The following TBCB variants were observed in gnomAD, a reference collection of about 807,000 sequenced individuals.
TBCB encodes the protein tubulin-folding cofactor B.
Under a neutral mutation model 29.2 loss-of-function variants are expected in TBCB, and 18 were observed. That is an observed-to-expected ratio of 0.62 (90% CI 0.43 to 0.91). The LOEUF (loss-of-function observed/expected upper bound fraction) is 0.91. Among genes scored for constraint, TBCB ranks in the 40% least tolerant of loss-of-function variants. The probability of loss-of-function intolerance (pLI) is 0.00; values close to 1 mark genes in which losing one functional copy is unlikely to be tolerated. For synonymous variants in TBCB, 172 were observed against 137.8 expected, an observed-to-expected ratio of 1.25 and a Z score of -1.74; for missense variants, 336 against 337.6, an observed-to-expected ratio of 1.00 and a Z score of 0.04.
Position 36,125,773 on chromosome 19 carries a change from C to G in TBCB, c.726C>G (p.Asp242Glu). 2 of 1,530,582 alleles carry G rather than the reference C, an allele frequency of 1.3e-6. No individual in the cohort carries two copies. Among genetic ancestry groups the G allele is most frequent in the East Asian group, 2.3e-5 (1 of 44,034 alleles). 94.8% of individuals were successfully genotyped at this position (1,530,582 alleles called of 1,614,324 possible). A position where few individuals can be genotyped will look rare whatever the true frequency, so the allele number is the denominator to read the frequency against. ...TCCCGGAGGAGGACTACGGGTTGGA[C>G]GAGATATGACACCTAAGGAATTCCC... ...GDFPEEDYGL[D>E]EI The change falls in exon 6 of 6, where the codon GAC becomes GAG. Residue 242 changes from aspartate to glutamate, a missense_variant. Asp to Glu is a conservative substitution (Grantham distance 45, BLOSUM62 2). Coordinates refer to ENST00000221855, the MANE Select transcript of TBCB (RefSeq NM_001281.3).
intron 4 of TBCB, among the ~76,000 whole-genome samples, chr19:36,124,744 C>T (rs760524762): frequency 3.3e-5 from 5 of 152,112 alleles, no homozygotes; most frequent in Non-Finnish European, 7.4e-5. Flanking sequence ...GGGGCTTCAC[C>T]GTGTTAGCCA....
chr19:36,122,444 C>G (rs1974071212), intron 4 of TBCB, among the ~76,000 whole-genome samples: 1 of 149,886 alleles, frequency 6.7e-6, no homozygotes, highest in African/African-American at 2.5e-5. Flanking sequence ...GACCCAGTCT[C>G]AAAAAAAAGG....
intron 2 of TBCB, among the ~76,000 whole-genome samples, chr19:36,118,095 C>T (rs968411940): frequency 6.6e-6 from 1 of 152,168 alleles, no homozygotes; most frequent in African/African-American, 2.4e-5. Flanking sequence ...GATGAACTGT[C>T]AGTAGCATTT....
In TBCB at chr19:36,121,673, C is replaced by G. The variant is rs1312473710; in HGVS notation, c.502C>G (p.Arg168Gly). Residue 168 changes from arginine (R) to glycine (G), a missense_variant, in exon 4 of 6, where the codon CGG becomes GGG. Transcript: ENST00000221855. The stretch of plus-strand genomic sequence containing the variant: ...CCCCGTGGGCAGCCGCTGTGAGGTG[C>G]GGGCGGCGGGACAATCCCCTCGCCG... ...SIPVGSRCEVRAAGQSPRRGT... is the reference protein window; with the variant it reads ...SIPVGSRCEVGAAGQSPRRGT... 2 of 1,560,376 alleles carry G rather than the reference C, an allele frequency of 1.3e-6. No homozygotes were observed. The highest frequency in any genetic ancestry group is 1.2e-5 in the South Asian group (1 of 84,152).
intron 3 of TBCB, 87 bp from the exon 4 acceptor site, chr19:36,121,440 C>T: frequency 1.4e-6 from 2 of 1,430,116 alleles, no homozygotes; most frequent in East Asian, 2.5e-5. Flanking sequence ...GAGAGTTCCT[C>T]CGTGAACGTG....
chr19:36,118,543 G>A (rs1336309196), intron 2 of TBCB: 1 of 152,310 alleles, frequency 6.6e-6, no homozygotes, highest in Middle Eastern at 3.4e-3. Context: ...AGCTGGGCGT[G>A]GTGGCAGATG....
At chr19:36,117,230 G>A (rs952924077) in intron 2 of TBCB, among the ~76,000 whole-genome samples, 4 of 152,114 alleles carry the variant, frequency 2.6e-5, no homozygotes, top group Non-Finnish European at 4.4e-5. Flanking sequence ...TTTACTCTCT[G>A]TCTCCCTGGA....
intron 2 of TBCB, 138 bp from the exon 3 acceptor site, chr19:36,120,572 G>T: frequency 1.5e-6 from 1 of 678,264 alleles, no homozygotes; most frequent in East Asian, 2.7e-5. Context: ...GCTGGGCTCA[G>T]GAGAGAAGAG....
rs1334695130 is a variant in TBCB at position 36,121,470 on chromosome 19, G to A, written c.356-57G>A. The A allele has an allele frequency of 5.3e-6, 8 of 1,508,822 alleles. No individual in the cohort carries two copies. The East Asian group carries it at 9.9e-5, about 19-fold the overall frequency. 93.5% of individuals were successfully genotyped at this position (1,508,822 alleles called of 1,614,324 possible). A position where few individuals can be genotyped will look rare whatever the true frequency, so the allele number is the denominator to read the frequency against. ...AACGTGGGCCCCTCGTGGGTGGAGC[G>A]TCATCCTGTTAGGCCCGGCCGACAC... On this transcript the variant is annotated intron_variant, in intron 3 of 5. Coordinates refer to ENST00000221855, the MANE Select transcript of TBCB (RefSeq NM_001281.3).
intron 4 of TBCB, among the ~76,000 whole-genome samples, chr19:36,123,757 C>T (rs114053980): frequency 0.017 from 2,570 of 152,214 alleles, 81 homozygotes; most frequent in African/African-American, 0.058. Context: ...TGCCTGTGAT[C>T]GCAGCTACCC....
chr19:36,115,158 GAGCATCC>G, upstream of TBCB: 1 of 568,088 alleles, frequency 1.8e-6, no homozygotes, highest in Non-Finnish European at 3.1e-6. Flanking sequence ...GCAAAACACT[GAGCATCC>G]AGGACAGAAG....
chr19:36,118,884 A>G (rs1973999656), intron 2 of TBCB, among the ~76,000 whole-genome samples: 1 of 152,050 alleles, frequency 6.6e-6, no homozygotes, highest in African/African-American at 2.4e-5. Flanking sequence ...TGTGTGGGGA[A>G]CAGGTGGTGG....
upstream of TBCB, chr19:36,115,310 T>C (rs2065134034): frequency 1.8e-6 from 1 of 550,392 alleles, no homozygotes. Flanking sequence ...GGGCCGCTAT[T>C]GGAAGAACCG....
chr19:36,125,674 T>A lies in TBCB; in HGVS notation c.627T>A (p.Asn209Lys), dbSNP rs377070718. 7.1e-5 allele frequency: 112 copies of A among 1,580,730 alleles called. No individual in the cohort carries two copies. The highest frequency in any genetic ancestry group is 3.4e-4 in the Middle Eastern group (2 of 5,928). ...EPLGKNDGSV[N>K]GKRYFECQAK... ...CCCCTATCCTTTCCTGCAGTGTGAA[T>A]GGGAAACGCTACTTCGAATGCCAGG... The change falls in exon 6 of 6, where the codon AAT (asparagine) becomes AAA (lysine). Residue 209 changes from asparagine to lysine, a missense_variant. Coordinates refer to ENST00000221855, the MANE Select transcript of TBCB (RefSeq NM_001281.3).
chr19:36,124,294 C>T (rs1236049890), intron 4 of TBCB, among the ~76,000 whole-genome samples: 1 of 152,206 alleles, frequency 6.6e-6, no homozygotes, highest in Non-Finnish European at 1.5e-5. Flanking sequence ...GCTCTCAGCT[C>T]ACTGCATCCT....
At chr19:36,115,939 A>G (rs1311715991) in intron 1 of TBCB, 102 bp from the exon 2 acceptor site, 2 of 1,503,062 alleles carry the variant, frequency 1.3e-6, no homozygotes, top group African/African-American at 2.8e-5. Context: ...GTGCGTCCTG[A>G]CTGGGGGGTC....
At chr19:36,121,888 C>G in intron 4 of TBCB, 170 bp downstream of exon 4, 1 of 862,986 alleles carries the variant, frequency 1.2e-6, no homozygotes, top group Non-Finnish European at 1.8e-6. Context: ...CCGACACTGA[C>G]GGCCCAGAGT....
chr19:36,125,695 C>G lies in TBCB; in HGVS notation c.648C>G (p.Cys216Trp). Reference protein sequence around the residue: ...GSVNGKRYFECQAKYGAFVKP... With the variant: ...GSVNGKRYFEWQAKYGAFVKP... ...TGAATGGGAAACGCTACTTCGAATG[C>G]CAGGCCAAGTATGGCGCCTTTGTCA... The change falls in exon 6 of 6, where the codon TGC becomes TGG. Residue 216 changes from cysteine (C) to tryptophan (W), a missense_variant. Coordinates refer to ENST00000221855, the MANE Select transcript of TBCB (RefSeq NM_001281.3). 1 of 1,582,148 alleles carries G rather than the reference C, an allele frequency of 6.3e-7. No homozygotes were observed. The highest frequency in any genetic ancestry group is 8.6e-7 in the Non-Finnish European group (1 of 1,163,428).
At chr19:36,122,855 G>A (rs1446972816) in intron 4 of TBCB, among the ~76,000 whole-genome samples, 1 of 151,714 alleles carries the variant, frequency 6.6e-6, no homozygotes, top group Non-Finnish European at 1.5e-5. Flanking sequence ...GTGTACCCAT[G>A]ACCCAAATTG....
Sources: allele counts gnomAD v4.1 joint callset (sites outside exome capture counted in the v4.1 genomes callset), GRCh38; gene constraint gnomAD v4.1.1; transcripts MANE v1.5; gene names NCBI Gene and HGNC (gene_info 2026-07-23, HGNC 2026-07-21).